Variants in MCCC1 observed in about 807,000 individuals in gnomAD.
MCCC1 encodes methylcrotonoyl-CoA carboxylase subunit alpha, mitochondrial.
Under a neutral mutation model 83.8 loss-of-function variants are expected in MCCC1, and 64 were observed. The observed-to-expected ratio is 0.76, with a 90% confidence interval of 0.62 to 0.94. The LOEUF (loss-of-function observed/expected upper bound fraction) is 0.94. Ranked by LOEUF, MCCC1 falls within the 40% of genes least tolerant of loss-of-function variation. MCCC1 has a pLI of 0.00. For synonymous variants in MCCC1, 322 were observed against 315.4 expected (o/e 1.02, Z -0.22); for missense variants, 807 against 904.7 (o/e 0.89, Z 1.39).
Position 183,054,775 on chromosome 3 carries a change from G to C in MCCC1, c.874-2535C>G, listed in dbSNP as rs796628509. ...CCATTCATGGTAAGTATTCCACATA[G>C]GAGGTGTATCATTTTAATAATCTTT... On this transcript the variant is annotated intron_variant, in intron 8 of 18. Coordinates refer to ENST00000265594, the MANE Select transcript of MCCC1 (RefSeq NM_020166.5). Among the ~76,000 whole-genome samples the C allele has an allele frequency of 2.0e-5, 3 of 152,226 alleles. No individual in the cohort carries two copies. The South Asian group carries it at 6.3e-4, about 32-fold the overall frequency.
At chr3:183,049,168 A>G (rs1176762715) in intron 9 of MCCC1, among the ~76,000 whole-genome samples, 3 of 152,236 alleles carry the variant, frequency 2.0e-5, no homozygotes, top group East Asian at 1.9e-4. Flanking sequence ...ATCTAAGCTT[A>G]TATTTTAATT....
intron 7 of MCCC1, among the ~76,000 whole-genome samples, chr3:183,068,634 T>C (rs1716426106): frequency 6.6e-6 from 1 of 152,186 alleles, no homozygotes; most frequent in Non-Finnish European, 1.5e-5. Context: ...AGAATAGAAA[T>C]AGAGTCACAC....
At chr3:183,084,513 TAAAC>T (rs1165934451) in intron 4 of MCCC1, among the ~76,000 whole-genome samples, 1 of 152,222 alleles carries the variant, frequency 6.6e-6, no homozygotes, top group Non-Finnish European at 1.5e-5. Context: ...AAAAGCTTCA[TAAAC>T]AAGCATATTT....
chr3:183,083,599 G>A (rs557384836), intron 4 of MCCC1, among the ~76,000 whole-genome samples: 44 of 152,096 alleles, frequency 2.9e-4, no homozygotes, highest in African/African-American at 9.9e-4. Flanking sequence ...TTCTCATTGT[G>A]TTACAGCAAC....
intron 7 of MCCC1, among the ~76,000 whole-genome samples, chr3:183,061,433 T>C (rs1231582133): frequency 1.3e-5 from 2 of 152,224 alleles, no homozygotes; most frequent in Non-Finnish European, 2.9e-5. Context: ...CCCCTCCCAC[T>C]GCTGTAAAAC....
intron 9 of MCCC1, among the ~76,000 whole-genome samples, chr3:183,050,972 A>C (rs1403892386): frequency 6.6e-6 from 1 of 152,210 alleles, no homozygotes; most frequent in East Asian, 1.9e-4. Context: ...AGTGCAAATT[A>C]AAACAATGAG....
intron 11 of MCCC1, among the ~76,000 whole-genome samples, chr3:183,040,400 T>A (rs943977388): frequency 4.6e-5 from 7 of 151,814 alleles, no homozygotes; most frequent in Admixed American, 2.6e-4. Flanking sequence ...TCTAAATCCA[T>A]TCCAGACATC....
chr3:183,044,776 T>A lies in MCCC1; in HGVS notation c.1083+637A>T, dbSNP rs574821952. On this transcript the variant is annotated intron_variant, in intron 10 of 18. Transcript: ENST00000265594. Reference sequence around the variant, plus strand: ...GAGTCCCTAAAGTGCCAAAAAAAGCTACAGCATCAAATGTGGCTTCACTTT... The same window carrying A: ...GAGTCCCTAAAGTGCCAAAAAAAGCAACAGCATCAAATGTGGCTTCACTTT... Among the ~76,000 whole-genome samples, 4 of 152,262 alleles carry A rather than the reference T, an allele frequency of 2.6e-5. 1 individual carries two copies. The East Asian group carries it at 7.7e-4, about 29-fold the overall frequency.
At chr3:183,093,272 C>T (rs549031302) in intron 2 of MCCC1, among the ~76,000 whole-genome samples, 1 of 152,286 alleles carries the variant, frequency 6.6e-6, no homozygotes, top group East Asian at 1.9e-4. Flanking sequence ...TAAATTTTCA[C>T]AATAATCCTA....
At chr3:183,038,960 A>T in intron 12 of MCCC1, 66 bp downstream of exon 12, 1 of 1,423,336 alleles carries the variant, frequency 7.0e-7, no homozygotes, top group Non-Finnish European at 9.9e-7. Context: ...CCTGCCAAAG[A>T]CAAAGGCTGA....
chr3:183,080,500 C>T lies in MCCC1; in HGVS notation c.369+6193G>A, dbSNP rs184039363. Among the ~76,000 whole-genome samples the T allele has an allele frequency of 3.9e-5, 6 of 152,330 alleles. No homozygotes were observed. In the East Asian group the frequency reaches 5.8e-4, roughly 15 times the overall value. ...ACCACCTCAGCCTGGACTTCACTGT[C>T]CACATTACTATCAGCATTTTGGGCA... On this transcript the variant is annotated intron_variant, in intron 4 of 18. Coordinates refer to ENST00000265594, the MANE Select transcript of MCCC1 (RefSeq NM_020166.5).
chr3:183,111,718 C>T (rs1040406062), intron 1 of MCCC1, among the ~76,000 whole-genome samples: 2 of 152,170 alleles, frequency 1.3e-5, no homozygotes, highest in Non-Finnish European at 2.9e-5. Flanking sequence ...ATTCAAAAAG[C>T]GTTTTAAATT....
chr3:183,097,718 C>T (rs1718841852), intron 1 of MCCC1, among the ~76,000 whole-genome samples: 1 of 152,138 alleles, frequency 6.6e-6, no homozygotes, highest in South Asian at 2.1e-4. Context: ...AGTTTTACTT[C>T]TATAAGCCAT....
chr3:183,095,835 T>C (rs1718697250), intron 1 of MCCC1, among the ~76,000 whole-genome samples: 1 of 152,174 alleles, frequency 6.6e-6, no homozygotes. Context: ...AAAAGTACTA[T>C]ACAATTCTAT....
chr3:183,034,418 C>G (rs1429138970), intron 13 of MCCC1, among the ~76,000 whole-genome samples: 1 of 133,860 alleles, frequency 7.5e-6, no homozygotes, highest in African/African-American at 2.8e-5. Context: ...GCCACTGCAC[C>G]GGATCCAGCC....
At chr3:183,075,423 G>T (rs1348344455) in intron 4 of MCCC1, among the ~76,000 whole-genome samples, 3 of 152,028 alleles carry the variant, frequency 2.0e-5, no homozygotes, top group Non-Finnish European at 2.9e-5. Context: ...GGTGTGAGAT[G>T]GTGTCTCATT....
At chr3:183,097,208 C>A (rs992581141) in intron 1 of MCCC1, among the ~76,000 whole-genome samples, 1 of 152,102 alleles carries the variant, frequency 6.6e-6, no homozygotes, top group Non-Finnish European at 1.5e-5. Flanking sequence ...CCACTGCAGT[C>A]CGCAGTCCGG....
intron 16 of MCCC1, among the ~76,000 whole-genome samples, chr3:183,021,276 G>A (rs930881621): frequency 6.6e-6 from 1 of 152,146 alleles, no homozygotes; most frequent in African/African-American, 2.4e-5. Context: ...CCAGGCTGGA[G>A]TGCAGTGGCA....
intron 14 of MCCC1, among the ~76,000 whole-genome samples, chr3:183,032,353 AGG>A (rs1713151046): frequency 6.6e-6 from 1 of 152,246 alleles, no homozygotes; most frequent in African/African-American, 2.4e-5. Context: ...TTCAGCATAT[AGG>A]AGTCTAGAAT....
Sources: allele counts gnomAD v4.1 joint callset (sites outside exome capture counted in the v4.1 genomes callset), GRCh38; gene constraint gnomAD v4.1.1; transcripts MANE v1.5; gene names NCBI Gene and HGNC (gene_info 2026-07-23, HGNC 2026-07-21).